XBP1: variants seen among roughly 807,000 people sequenced by gnomAD.
XBP1 encodes the protein X-box binding protein 1, also known as X-box-binding protein 1.
In XBP1, 18 loss-of-function variants were observed where a neutral mutation model predicts 34.6. That is an observed-to-expected ratio of 0.52 (90% CI 0.36 to 0.77). The LOEUF (loss-of-function observed/expected upper bound fraction) is 0.77. Among genes scored for constraint, XBP1 ranks in the 30% least tolerant of loss-of-function variants. The probability of loss-of-function intolerance (pLI) is 0.00; values close to 1 mark genes in which losing one functional copy is unlikely to be tolerated. For missense variants in XBP1, 422 were observed against 464.6 expected (o/e 0.91, Z 0.84); for synonymous variants, 191 against 193.4 (o/e 0.99, Z 0.11).
intron 1 of XBP1, 65 bp downstream of exon 1, chr22:28,800,233 C>T (rs991646231): frequency 2.0e-6 from 3 of 1,517,190 alleles, no homozygotes; most frequent in African/African-American, 2.8e-5. Flanking sequence ...CTCCCAGCCC[C>T]TGCCCCTGCC....
At chr22:28,795,388 T>C (rs2031728662) in exon 6 of XBP1, 1 of 1,555,798 alleles carries the variant, frequency 6.4e-7, no homozygotes. Context: ...GGTCATCTTC[T>C]ACAGGTTCTT....
rs779231783 is a variant in XBP1, at chr22:28,799,050, G to T, written c.324+7C>A. ...GGATAAAAGAGTTTGACCTTAAGTA[G>T]TTTTACCTCTTCTTCTAAATCTACC... On this transcript the variant is annotated splice_region_variant and intron_variant, in intron 2 of 5. Transcript: ENST00000344347. 6.2e-7 allele frequency: 1 copy of T among 1,612,236 alleles called. No homozygotes were observed. Among genetic ancestry groups the T allele is most frequent in the Non-Finnish European group, 8.5e-7 (1 of 1,178,412 alleles).
chr22:28,799,191 A>C, intron 1 of XBP1, 38 bp from the exon 2 acceptor site: 2 of 1,520,024 alleles, frequency 1.3e-6, no homozygotes, highest in East Asian at 4.5e-5. Flanking sequence ...GAGTCATATC[A>C]AACCTTATTT....
upstream of XBP1, chr22:28,800,539 C>T (rs774563005): frequency 1.5e-5 from 22 of 1,474,744 alleles, no homozygotes; most frequent in Middle Eastern, 3.7e-4. Context: ...CCAGACTACG[C>T]ACCGCGCACC....
chr22:28,800,415 G>C (rs1183351765), exon 1 of XBP1: 1 of 1,506,362 alleles, frequency 6.6e-7, no homozygotes, highest in East Asian at 2.8e-5. Flanking sequence ...CACCATGAGC[G>C]GCAGGGCCTG....
exon 6 of XBP1, chr22:28,795,550 T>G: frequency 6.2e-7 from 1 of 1,614,170 alleles, no homozygotes; most frequent in Non-Finnish European, 8.5e-7. Flanking sequence ...AACGAATTAG[T>G]TCATTAATGG....
exon 1 of XBP1, chr22:28,800,489 G>A (rs1169742536): frequency 2.0e-6 from 3 of 1,485,806 alleles, no homozygotes; most frequent in South Asian, 1.3e-5. Context: ...TAGGGGTCCC[G>A]TCGGCCGGGT....
chr22:28,796,056 T>C lies in XBP1; in HGVS notation c.564A>G (p.Ser188=), dbSNP rs757869559. The C allele has an allele frequency of 3.7e-6, 6 of 1,614,170 alleles. No individual in the cohort carries two copies. In the African/African-American group the frequency reaches 6.7e-5, roughly 18 times the overall value. ...TCAGAATGATCCCTACCTCTGAATCTGAAGAGTCAATACCGCCAGAATCCA... is the reference window on the plus strand; with the variant it reads ...TCAGAATGATCCCTACCTCTGAATCCGAAGAGTCAATACCGCCAGAATCCA... The change falls in exon 5 of 6, where the codon TCA becomes TCG. Residue 188 remains serine (S), a synonymous_variant. Coordinates refer to ENST00000344347, the Ensembl canonical transcript of XBP1.
exon 1 of XBP1, chr22:28,800,338 G>A: frequency 1.9e-6 from 3 of 1,549,192 alleles, no homozygotes; most frequent in East Asian, 5.1e-5. Flanking sequence ...TGCGTGAGGC[G>A]CTGTCGCTTG....
chr22:28,797,238 A>T (rs1390950840), intron 2 of XBP1, 33 bp from the exon 3 acceptor site: 1 of 1,601,476 alleles, frequency 6.2e-7, no homozygotes, highest in East Asian at 2.2e-5. Context: ...CTATTAAAAC[A>T]TCTAATTATT....
chr22:28,800,516 C>CA lies in XBP1; in HGVS notation c.8dup (p.Val4GlyfsTer13). On this transcript the variant is annotated frameshift_variant, in exon 1 of 6. Transcript: ENST00000344347. LOFTEE classifies it high-confidence loss of function. ...CGGCCGGGTTCGGCGCGGCTGCCAC[C>CA]ACCACCATAGCTCCAGACTACGCAC... 6.7e-7 allele frequency: 1 copy of CA among 1,491,632 alleles called. No individual in the cohort carries two copies. The highest frequency in any genetic ancestry group is 8.8e-7 in the Non-Finnish European group (1 of 1,130,046). 92.4% of individuals were successfully genotyped at this position (1,491,632 alleles called of 1,614,324 possible).
At chr22:28,795,826 A>T in intron 5 of XBP1, 94 bp from the exon 6 acceptor site, 1 of 1,360,066 alleles carries the variant, frequency 7.4e-7, no homozygotes, top group Non-Finnish European at 1.0e-6. Flanking sequence ...AATGTAAATT[A>T]GTCATTATGT....
chr22:28,799,998 G>C (rs769875820), intron 1 of XBP1: 1 of 779,420 alleles, frequency 1.3e-6, no homozygotes, highest in African/African-American at 1.7e-5. Flanking sequence ...CCAGTCTGCG[G>C]CCACACAGCA....
intron 1 of XBP1, 200 bp downstream of exon 1, chr22:28,800,098 C>T (rs2031845967): frequency 1.4e-6 from 1 of 735,594 alleles, no homozygotes; most frequent in South Asian, 1.5e-5. Context: ...CCTGGGCCGC[C>T]CTAGGTTCCC....
At chr22:28,797,899 A>T (rs983106970) in intron 2 of XBP1, among the ~76,000 whole-genome samples, 2 of 151,922 alleles carry the variant, frequency 1.3e-5, no homozygotes, top group African/African-American at 2.4e-5. Flanking sequence ...AAAATAAGTT[A>T]AAAAAAATCC....
chr22:28,800,224 T>C, intron 1 of XBP1, 74 bp downstream of exon 1: 1 of 1,495,298 alleles, frequency 6.7e-7, no homozygotes, highest in Non-Finnish European at 9.1e-7. Flanking sequence ...GGGTCCCCGC[T>C]CCCAGCCCCT....
chr22:28,800,104 T>C, intron 1 of XBP1, 194 bp downstream of exon 1: 2 of 735,390 alleles, frequency 2.7e-6, no homozygotes, highest in Non-Finnish European at 2.4e-6. Context: ...CCGCCCTAGG[T>C]TCCCAGCGTG....
At chr22:28,800,306 C>G in exon 1 of XBP1, 7 of 1,556,506 alleles carry the variant, frequency 4.5e-6, no homozygotes, top group Non-Finnish European at 6.1e-6. Context: ...ACCTCCTCAG[C>G]GCCTTCTCCT....
chr22:28,798,769 T>TTTTTC, intron 2 of XBP1: 3 of 86,350 alleles, frequency 3.5e-5, no homozygotes, highest in South Asian at 4.8e-4. Context: ...ACGCTTGGCC[T>TTTTTC]TTTTTTTTTT....
Sources: allele counts gnomAD v4.1 joint callset (sites outside exome capture counted in the v4.1 genomes callset), GRCh38; gene constraint gnomAD v4.1.1; transcripts MANE v1.5; gene names NCBI Gene and HGNC (gene_info 2026-07-23, HGNC 2026-07-21).